Variants in CDRT4 observed in about 807,000 individuals in gnomAD.
The protein encoded by CDRT4 is CMT1A duplicated region transcript 4 protein.
For synonymous variants in CDRT4, 64 were observed against 69.6 expected (o/e 0.92, Z 0.40); for missense variants, 167 against 193.1 (o/e 0.87, Z 0.80).
At chr17:15,463,301 G>C (rs757469115) in intron 1 of CDRT4, among the ~76,000 whole-genome samples, 1 of 152,120 alleles carries the variant, frequency 6.6e-6, no homozygotes, top group Non-Finnish European at 1.5e-5. Context: ...CCACCAGGCA[G>C]CTGCACCTAT....
chr17:15,440,411 T>A, intron 2 of CDRT4, 126 bp from the exon 3 acceptor site: 1 of 1,066,954 alleles, frequency 9.4e-7, no homozygotes, highest in Non-Finnish European at 1.3e-6. Context: ...CTCCACCCCC[T>A]GAGAAGAGGA....
chr17:15,438,250 GCTTGATTCTTC>G, intron 3 of CDRT4, 50 bp from the exon 4 acceptor site: 1 of 1,555,760 alleles, frequency 6.4e-7, no homozygotes. Context: ...ACATGCAATA[GCTTGATTCTTC>G]AAAAAATGGG....
In CDRT4 at chr17:15,450,297, C is replaced by T. The variant is rs979175014; in HGVS notation, c.-48+2707G>A. Among the ~76,000 whole-genome samples the T allele has an allele frequency of 2.0e-5, 3 of 152,202 alleles. No homozygotes were observed. Among genetic ancestry groups the T allele is most frequent in the Admixed American group, 6.5e-5 (1 of 15,282 alleles). ...AACTCCCTCATCTCCCACCATCACTCGTACCAACTCTCCACCATAAGCTCC... is the reference window on the plus strand; with the variant it reads ...AACTCCCTCATCTCCCACCATCACTTGTACCAACTCTCCACCATAAGCTCC... On this transcript the variant is annotated intron_variant, in intron 2 of 3. Transcript: ENST00000619038. This position sits in a 1 kb window ranked among gnomAD's most constrained non-coding sequence, Gnocchi z 4.2.
intron 1 of CDRT4, among the ~76,000 whole-genome samples, chr17:15,460,992 T>C (rs1378758181): frequency 6.6e-6 from 1 of 151,712 alleles, no homozygotes; most frequent in Non-Finnish European, 1.5e-5. Flanking sequence ...GATTTTTACA[T>C]AGCTGGTGTT....
At chr17:15,465,925 G>C (rs530833400) in intron 1 of CDRT4, among the ~76,000 whole-genome samples, 1 of 152,266 alleles carries the variant, frequency 6.6e-6, no homozygotes, top group South Asian at 2.1e-4. Flanking sequence ...CTGCACCTGG[G>C]GGCAGATCCA....
chr17:15,457,225 A>C (rs987507296), intron 1 of CDRT4, among the ~76,000 whole-genome samples: 1 of 152,208 alleles, frequency 6.6e-6, no homozygotes. Flanking sequence ...GAAGTTTCCT[A>C]ATGTCCCACC....
Position 15,437,604 on chromosome 17 carries a change from C to A in CDRT4, c.*169G>T. ...GACACACTCACCCACCCACCTACAG[C>A]TTGCATTCTGATCTGGTTTCTCTTA... On this transcript the variant is annotated 3_prime_UTR_variant, in exon 4 of 4. Transcript: ENST00000619038. 1 of 692,474 alleles carries A rather than the reference C, an allele frequency of 1.4e-6. No homozygotes were observed. Among genetic ancestry groups the A allele is most frequent in the Admixed American group, 2.9e-5 (1 of 35,020 alleles). 42.9% of individuals were successfully genotyped at this position (692,474 alleles called of 1,614,324 possible). A position where few individuals can be genotyped will look rare whatever the true frequency, so the allele number is the denominator to read the frequency against.
chr17:15,443,342 C>T (rs1398553766), intron 2 of CDRT4, among the ~76,000 whole-genome samples: 2 of 150,638 alleles, frequency 1.3e-5, no homozygotes, highest in African/African-American at 2.4e-5. Flanking sequence ...TGTAGTGGCA[C>T]GATCGTAGCT....
At chr17:15,462,755 T>G (rs1478287589) in intron 1 of CDRT4, among the ~76,000 whole-genome samples, 3 of 152,142 alleles carry the variant, frequency 2.0e-5, no homozygotes, top group Non-Finnish European at 4.4e-5. Context: ...ACATTTAGTG[T>G]AAAGCAAGTG....
chr17:15,466,138 C>A (rs1980032530), intron 1 of CDRT4, among the ~76,000 whole-genome samples: 1 of 152,156 alleles, frequency 6.6e-6, no homozygotes. Flanking sequence ...CTCCCTGACC[C>A]AGGCCAGTGG....
In CDRT4 at chr17:15,464,635, T is replaced by C. The variant is rs2150801586; in HGVS notation, c.-130+2825A>G. Among the ~76,000 whole-genome samples, 1 of 152,208 alleles carries C rather than the reference T, an allele frequency of 6.6e-6. No homozygotes were observed. Among genetic ancestry groups the C allele is most frequent in the East Asian group, 1.9e-4 (1 of 5,182 alleles). On this transcript the variant is annotated intron_variant, in intron 1 of 3. Coordinates refer to ENST00000619038, the MANE Select transcript of CDRT4 (RefSeq NM_001204477.2). The surrounding 1 kb of genome is among the most constrained non-coding windows in gnomAD (Gnocchi z 4.5). The stretch of plus-strand genomic sequence containing the variant: ...TTCCCTCTGCTCCCCTCTCCAGCAC[T>C]TTTCCAAATGTCCCTCCTTATGCAC...
rs1446034949 is a variant in CDRT4 at position 15,439,167 on chromosome 17, T to C, written c.32-967A>G. 6.6e-6 allele frequency: 3 copies of C among 456,140 alleles called. No homozygotes were observed. The Admixed American group carries it at 7.1e-5, about 11-fold the overall frequency. The allele number at this position is 456,140 out of a possible 1,614,324, so 28.3% of individuals were successfully genotyped here. On this transcript the variant is annotated intron_variant, in intron 3 of 3. Coordinates refer to ENST00000619038, the MANE Select transcript of CDRT4 (RefSeq NM_001204477.2). ...TGCTACCTTCCTCTGTGTTCTTATG[T>C]GGTGCATTCTTTCCCTAATTCTATA...
intron 2 of CDRT4, among the ~76,000 whole-genome samples, chr17:15,445,033 A>G (rs531153199): frequency 6.6e-6 from 1 of 152,324 alleles, no homozygotes; most frequent in African/African-American, 2.4e-5. Flanking sequence ...TCAGGAAACC[A>G]TCTTGCAAAA....
intron 2 of CDRT4, 70 bp from the exon 3 acceptor site, chr17:15,440,355 G>C (rs1978702354): frequency 1.9e-6 from 3 of 1,553,178 alleles, no homozygotes; most frequent in Non-Finnish European, 2.6e-6. Context: ...ACCCTGGGTG[G>C]GGGTGGTTCT....
intron 1 of CDRT4, among the ~76,000 whole-genome samples, chr17:15,457,162 T>C (rs532868530): frequency 5.3e-4 from 81 of 152,274 alleles, no homozygotes; most frequent in African/African-American, 1.8e-3. Context: ...TCGAACCTCC[T>C]GCATGTCTCT....
chr17:15,437,694 G>A lies in CDRT4; in HGVS notation c.*79C>T, dbSNP rs1978551641. The A allele has an allele frequency of 2.1e-6, 3 of 1,414,586 alleles. No individual in the cohort carries two copies. The highest frequency in any genetic ancestry group is 3.8e-5 in the Admixed American group (2 of 52,854). The allele number at this position is 1,414,586 out of a possible 1,614,324, so 87.6% of individuals were successfully genotyped here. ...GGACACTGTCAAGTGAGTGGTAAATGGAGCTTAACTTTTGTACGTTCTTGG... is the reference window on the plus strand; with the variant it reads ...GGACACTGTCAAGTGAGTGGTAAATAGAGCTTAACTTTTGTACGTTCTTGG... On this transcript the variant is annotated 3_prime_UTR_variant, in exon 4 of 4. Coordinates refer to ENST00000619038, the MANE Select transcript of CDRT4 (RefSeq NM_001204477.2).
chr17:15,457,583 G>A lies in CDRT4; in HGVS notation c.-129-4498C>T, dbSNP rs569112142. On this transcript the variant is annotated intron_variant, in intron 1 of 3. Coordinates refer to ENST00000619038, the MANE Select transcript of CDRT4 (RefSeq NM_001204477.2). ...GTTTCTGTCCCGTTGGAGCTGCAACGTGGAGCCAGAAATCTGGAAGAATTT... is the reference window on the plus strand; with the variant it reads ...GTTTCTGTCCCGTTGGAGCTGCAACATGGAGCCAGAAATCTGGAAGAATTT... Among the ~76,000 whole-genome samples the A allele has an allele frequency of 1.8e-3, 281 of 152,358 alleles. 1 individual carries two copies. The highest frequency in any genetic ancestry group is 2.9e-3 in the Non-Finnish European group (196 of 68,032).
At chr17:15,463,787 C>T (rs56055931) in intron 1 of CDRT4, among the ~76,000 whole-genome samples, 36,820 of 152,078 alleles carry the variant, frequency 0.24, 9,163 homozygotes, top group African/African-American at 0.6. Flanking sequence ...CCCGCCTGCC[C>T]GTCTGTCATC....
chr17:15,465,849 C>T (rs1354446302), intron 1 of CDRT4, among the ~76,000 whole-genome samples: 2 of 151,446 alleles, frequency 1.3e-5, no homozygotes, highest in Non-Finnish European at 2.9e-5. Flanking sequence ...ATGCAGCGCG[C>T]ATCGTGAGGA....
Sources: allele counts gnomAD v4.1 joint callset (sites outside exome capture counted in the v4.1 genomes callset), GRCh38; gene constraint gnomAD v4.1.1; non-coding constraint Gnocchi (gnomAD v3.1); transcripts MANE v1.5; gene names NCBI Gene and HGNC (gene_info 2026-07-23, HGNC 2026-07-21).